TTC23: variants seen among roughly 807,000 people sequenced by gnomAD.
TTC23 encodes tetratricopeptide repeat domain 23.
Under a neutral mutation model 55.1 loss-of-function variants are expected in TTC23, and 58 were observed. The observed-to-expected ratio is 1.05, with a 90% CI of 0.85 to 1.31. The LOEUF (loss-of-function observed/expected upper bound fraction) is 1.31, where lower values mean the gene tolerates loss of function less well. Among genes scored for constraint, TTC23 ranks in the 50% most tolerant of loss-of-function variants. The pLI is 0.00. For missense variants in TTC23, 516 were observed against 534.4 expected, an observed-to-expected ratio of 0.97 and a Z score of 0.34; for synonymous variants, 203 against 199.9, an observed-to-expected ratio of 1.02 and a Z score of -0.13.
chr15:99,218,687 G>A lies in TTC23; in HGVS notation c.482C>T (p.Thr161Ile). The A allele has an allele frequency of 6.2e-7, 1 of 1,614,030 alleles. No individual in the cohort carries two copies. The highest frequency in any genetic ancestry group is 8.5e-7 in the Non-Finnish European group (1 of 1,180,028). The change falls in exon 8 of 14, where the codon ACA becomes ATA. Residue 161 changes from threonine (T) to isoleucine (I), a missense_variant. By Grantham distance (89) the Thr-to-Ile change is moderately conservative. Coordinates refer to ENST00000394132, the MANE Select transcript of TTC23 (RefSeq NM_001288615.3). ...QKFKEAAENL[T>I]KAERLSKELL... ...CTCCTTTGAAAGTCTCTCTGCTTTT[G>A]TCAAATTCTCTGCAGCTTCCTTAAA... is the stretch of plus-strand genomic sequence containing the variant.
At chr15:99,203,302 G>C (rs1385677392) in intron 8 of TTC23, among the ~76,000 whole-genome samples, 1 of 152,054 alleles carries the variant, frequency 6.6e-6, no homozygotes, top group Non-Finnish European at 1.5e-5. Flanking sequence ...GCTCCAAGTG[G>C]ATTAGAGGAC....
intron 12 of TTC23, among the ~76,000 whole-genome samples, chr15:99,143,764 T>G (rs2068506442): frequency 6.6e-6 from 1 of 152,228 alleles, no homozygotes; most frequent in East Asian, 1.9e-4. Context: ...AATGTCTGCT[T>G]TTATACCAGC....
chr15:99,228,328 A>T, intron 5 of TTC23: 1 of 419,726 alleles, frequency 2.4e-6, no homozygotes, highest in Non-Finnish European at 4.2e-6. Context: ...AGCTCAACAA[A>T]TATTTGTTGT....
chr15:99,247,367 C>T (rs1357536420), intron 1 of TTC23, among the ~76,000 whole-genome samples: 1 of 152,168 alleles, frequency 6.6e-6, no homozygotes, highest in Non-Finnish European at 1.5e-5. Flanking sequence ...TTGTACCCAT[C>T]TTCATAGCAG....
chr15:99,217,961 A>G (rs537779310), intron 8 of TTC23, among the ~76,000 whole-genome samples: 49 of 152,336 alleles, frequency 3.2e-4, no homozygotes, highest in African/African-American at 1.1e-3. Flanking sequence ...CTCTTCCAAC[A>G]CAGACCTTTC....
chr15:99,174,573 C>T (rs1254482203), intron 10 of TTC23, among the ~76,000 whole-genome samples: 4 of 151,990 alleles, frequency 2.6e-5, no homozygotes, highest in African/African-American at 7.3e-5. Context: ...ACCTATTACG[C>T]GGGGATAAGA....
intron 11 of TTC23, chr15:99,158,116 AAG>A (rs2070862005): frequency 6.6e-6 from 1 of 152,362 alleles, no homozygotes; most frequent in African/African-American, 2.4e-5. Context: ...TCTCAGGTGA[AAG>A]AGGAATCTCT....
At chr15:99,241,080 G>C (rs912113264) in intron 3 of TTC23, among the ~76,000 whole-genome samples, 1 of 152,144 alleles carries the variant, frequency 6.6e-6, no homozygotes, top group African/African-American at 2.4e-5. Context: ...ACTTTGAGAG[G>C]CTAAGGCTGG....
chr15:99,170,679 A>G (rs2072799458), intron 10 of TTC23, among the ~76,000 whole-genome samples: 1 of 152,238 alleles, frequency 6.6e-6, no homozygotes, highest in African/African-American at 2.4e-5. Flanking sequence ...TGGTGGAGGC[A>G]GCAGAGGCCT....
At chr15:99,219,419 T>C (rs992276701) in intron 6 of TTC23, among the ~76,000 whole-genome samples, 2 of 152,244 alleles carry the variant, frequency 1.3e-5, no homozygotes, top group African/African-American at 4.8e-5. Flanking sequence ...ATTTTAATCC[T>C]GGCTGTGTAA....
intron 9 of TTC23, among the ~76,000 whole-genome samples, chr15:99,199,518 T>G (rs1193373840): frequency 6.6e-6 from 1 of 151,522 alleles, no homozygotes; most frequent in Non-Finnish European, 1.5e-5. Flanking sequence ...AGAACTCTGA[T>G]GGACACAACA....
At chr15:99,214,504 T>A (rs1288762992) in intron 8 of TTC23, among the ~76,000 whole-genome samples, 47 of 47,460 alleles carry the variant, frequency 9.9e-4, no homozygotes, top group African/African-American at 6.4e-3. Flanking sequence ...TGAGACTGCA[T>A]CTCAAAAAAA....
rs552074771 is a variant in TTC23 at position 99,222,159 on chromosome 15, C to T, written c.181-295G>A. Among the ~76,000 whole-genome samples, 3 of 152,270 alleles carry T rather than the reference C, an allele frequency of 2.0e-5. 1 individual carries two copies. In the South Asian group the frequency reaches 6.2e-4, roughly 32 times the overall value. On this transcript the variant is annotated intron_variant, in intron 5 of 13. Coordinates refer to ENST00000394132, the MANE Select transcript of TTC23 (RefSeq NM_001288615.3). ...AAAATAGAAAAAGTAGAGCAGACAT[C>T]TAGTCATTCTCTAGGTTTCCCAGCT...
At chr15:99,239,680 C>T (rs1302895782) in intron 3 of TTC23, among the ~76,000 whole-genome samples, 1 of 152,154 alleles carries the variant, frequency 6.6e-6, no homozygotes, top group Non-Finnish European at 1.5e-5. Context: ...ATCTGTTCAA[C>T]CCCACTGGCT....
intron 5 of TTC23, among the ~76,000 whole-genome samples, chr15:99,225,575 A>C (rs1189891797): frequency 6.6e-6 from 1 of 152,240 alleles, no homozygotes; most frequent in Admixed American, 6.5e-5. Context: ...GTTGTAGTGT[A>C]TTTGAAAAAT....
intron 4 of TTC23, among the ~76,000 whole-genome samples, chr15:99,234,589 G>GTGGCTAA (rs1164284751): frequency 6.6e-6 from 1 of 151,970 alleles, no homozygotes; most frequent in Admixed American, 6.6e-5. Flanking sequence ...AGCCAGGATG[G>GTGGCTAA]TCTCGATCTC....
chr15:99,197,041 G>A (rs1315837527), intron 9 of TTC23, among the ~76,000 whole-genome samples: 5 of 151,674 alleles, frequency 3.3e-5, no homozygotes, highest in African/African-American at 1.2e-4. Flanking sequence ...TTTTGTAACT[G>A]CCAACTACAC....
At chr15:99,170,358 G>A (rs1036180112) in intron 10 of TTC23, among the ~76,000 whole-genome samples, 8 of 152,160 alleles carry the variant, frequency 5.3e-5, no homozygotes, top group African/African-American at 1.7e-4. Context: ...GCAGGCTACA[G>A]AGAATCCTCA....
intron 4 of TTC23, among the ~76,000 whole-genome samples, chr15:99,233,484 GA>G (rs1267614562): frequency 6.6e-6 from 1 of 151,968 alleles, no homozygotes; most frequent in Non-Finnish European, 1.5e-5. Context: ...TAATAAAAAA[GA>G]AAAACTGTAT....
Sources: gnomAD v4.1 joint callset for allele counts (sites outside exome capture counted in the v4.1 genomes callset) on GRCh38, gnomAD v4.1.1 for gene constraint, MANE v1.5 for transcripts, NCBI Gene and HGNC (gene_info 2026-07-23, HGNC 2026-07-21) for gene names.